ENOSF1: variants seen among roughly 807,000 people sequenced by gnomAD.
The protein encoded by ENOSF1 is enolase superfamily member 1.
Under a neutral mutation model 68.2 loss-of-function variants are expected in ENOSF1, and 73 were observed. The observed-to-expected ratio is 1.07, with a 90% CI of 0.89 to 1.30. ENOSF1 has a LOEUF of 1.30. ENOSF1 is among the 50% of genes most tolerant of loss of function. The probability of loss-of-function intolerance (pLI) is 0.00; values close to 1 mark genes in which losing one functional copy is unlikely to be tolerated. For synonymous variants in ENOSF1, 223 were observed against 210.4 expected (o/e 1.06, Z -0.52); for missense variants, 589 against 554.5 (o/e 1.06, Z -0.62).
chr18:670,883 A>G lies in ENOSF1; in HGVS notation c.*3422T>C. The G allele has an allele frequency of 6.2e-7, 1 of 1,613,242 alleles. No homozygotes were observed. Among genetic ancestry groups the G allele is most frequent in the Non-Finnish European group, 8.5e-7 (1 of 1,179,472 alleles). On this transcript the variant is annotated 3_prime_UTR_variant, in exon 16 of 16. Transcript: ENST00000647584. ...GGGCCTGAAGGTGGGCTGTCTCGGG[A>G]AGGGTGACTTGCCAGCCTACCACAC...
At chr18:694,642 AG>A (rs2077534229) in intron 3 of ENOSF1, among the ~76,000 whole-genome samples, 1 of 148,494 alleles carries the variant, frequency 6.7e-6, no homozygotes, top group African/African-American at 2.6e-5. Context: ...AAAAAAAAAA[AG>A]AGAGAGAGAG....
In ENOSF1 at chr18:670,459, G is replaced by C. The variant is rs1439222460; in HGVS notation, c.*3846C>G. 3.8e-6 allele frequency: 2 copies of C among 529,392 alleles called. No individual in the cohort carries two copies. Among genetic ancestry groups the C allele is most frequent in the South Asian group, 2.5e-5 (1 of 39,594 alleles). The allele number at this position is 529,392 out of a possible 1,614,324, so 32.8% of individuals were successfully genotyped here. ...AGATCCCTTCAGCTCTGATGGAAGA[G>C]CATTGCTTCAGCCGTAAATGGACAC... On this transcript the variant is annotated 3_prime_UTR_variant, in exon 16 of 16. Transcript: ENST00000647584.
At chr18:667,090 G>C (rs1296436917), downstream of ENOSF1, among the ~76,000 whole-genome samples, 1 of 61,368 alleles carries the variant, frequency 1.6e-5, no homozygotes, top group Non-Finnish European at 3.0e-5. Context: ...TGGTGATGGT[G>C]ATGGAGATGG....
intron 15 of ENOSF1, 23 bp downstream of exon 15, chr18:675,298 G>A (rs1318333731): frequency 6.3e-7 from 1 of 1,592,544 alleles, no homozygotes; most frequent in Admixed American, 1.7e-5. Context: ...CTCTTCTACA[G>A]GGGCCCTCAG....
intron 2 of ENOSF1, among the ~76,000 whole-genome samples, chr18:703,290 T>A (rs2078570450): frequency 6.6e-6 from 1 of 152,082 alleles, no homozygotes; most frequent in South Asian, 2.1e-4. Flanking sequence ...CAGAAGGGCT[T>A]CTTATCTATC....
chr18:689,317 G>A (rs1323728925), intron 8 of ENOSF1, among the ~76,000 whole-genome samples: 1 of 152,154 alleles, frequency 6.6e-6, no homozygotes, highest in Non-Finnish European at 1.5e-5. Context: ...CTCTTGTTCT[G>A]TCACCCAGGT....
chr18:685,980 G>C lies in ENOSF1; in HGVS notation c.682C>G (p.Gln228Glu). ...RFKVKVGADL[Q>E]DDMRRCQIIR... is the part of the protein sequence containing the mutation. ...ATTTGGCATCTTCGCATGTCATCCT[G>C]GAGATCAGCACCCACCTTTACTTTA... Residue 228 changes from glutamine to glutamate, a missense_variant, in exon 10 of 16, where the codon CAG becomes GAG. By Grantham distance (29) the Gln-to-Glu change is conservative (BLOSUM62 2). Transcript: ENST00000647584. 1.2e-6 allele frequency: 2 copies of C among 1,614,056 alleles called. No individual in the cohort carries two copies. The highest frequency in any genetic ancestry group is 1.7e-6 in the Non-Finnish European group (2 of 1,179,970).
At chr18:667,992 A>ATTTTT (rs60409589), downstream of ENOSF1, among the ~76,000 whole-genome samples, 25 of 105,366 alleles carry the variant, frequency 2.4e-4, 1 homozygote, top group South Asian at 1.0e-3. Context: ...ATTCACAGGA[A>ATTTTT]TTTTTTTTTT....
chr18:664,569 TGA>T, the ENOSF1 span, among the ~76,000 whole-genome samples: 3 of 134,436 alleles, frequency 2.2e-5, no homozygotes, highest in Admixed American at 2.2e-4. Context: ...ATAGGAGTGG[TGA>T]GAGAGGGCAT....
intron 5 of ENOSF1, chr18:693,250 T>C: frequency 7.8e-7 from 1 of 1,288,960 alleles, no homozygotes; most frequent in South Asian, 1.2e-5. Flanking sequence ...GCTCCTTCCC[T>C]GCTGGAATTG....
intron 1 of ENOSF1, among the ~76,000 whole-genome samples, chr18:709,067 G>A (rs2079234566): frequency 6.6e-6 from 1 of 152,208 alleles, no homozygotes; most frequent in East Asian, 1.9e-4. Flanking sequence ...GGTCAGGAGG[G>A]AGGGGCGGCA....
At chr18:700,917 A>C (rs1220614892) in intron 2 of ENOSF1, among the ~76,000 whole-genome samples, 8 of 131,124 alleles carry the variant, frequency 6.1e-5, no homozygotes, top group Non-Finnish European at 3.3e-5. Flanking sequence ...AAAAAAAACA[A>C]GAGAAATTTT....
chr18:689,802 C>T (rs1282105498), intron 8 of ENOSF1, among the ~76,000 whole-genome samples: 2 of 152,180 alleles, frequency 1.3e-5, no homozygotes, highest in East Asian at 1.9e-4. Flanking sequence ...CTGAGGTCCC[C>T]TACGTAGCTT....
At chr18:701,976 G>A (rs1196279914) in intron 2 of ENOSF1, among the ~76,000 whole-genome samples, 18 of 144,224 alleles carry the variant, frequency 1.2e-4, no homozygotes, top group South Asian at 2.2e-4. Flanking sequence ...ACAGAAACAG[G>A]CCAGGCATGG....
chr18:697,518 C>T (rs1416915892), intron 2 of ENOSF1, among the ~76,000 whole-genome samples, 163 bp from the exon 3 acceptor site: 2 of 152,156 alleles, frequency 1.3e-5, no homozygotes, highest in Non-Finnish European at 2.9e-5. Flanking sequence ...TGGGAGGCCA[C>T]GGCAGGAGGA....
intron 2 of ENOSF1, among the ~76,000 whole-genome samples, chr18:703,736 CT>C (rs1234765847): frequency 3.3e-5 from 5 of 152,136 alleles, no homozygotes; most frequent in Non-Finnish European, 5.9e-5. Context: ...AAGTTACCCC[CT>C]GAGATGGTTT....
intron 3 of ENOSF1, among the ~76,000 whole-genome samples, chr18:696,506 C>T (rs750055169): frequency 7.9e-5 from 12 of 151,984 alleles, no homozygotes; most frequent in Non-Finnish European, 1.2e-4. Context: ...CCACCGCGCC[C>T]GGCCTGACCT....
chr18:706,683 C>T, intron 1 of ENOSF1, 105 bp from the exon 2 acceptor site: 2 of 782,650 alleles, frequency 2.6e-6, no homozygotes, highest in South Asian at 3.1e-5. Context: ...AGGGGCCGTG[C>T]CACAAGAGCT....
chr18:702,990 A>G (rs2078528736), intron 2 of ENOSF1, among the ~76,000 whole-genome samples: 1 of 152,166 alleles, frequency 6.6e-6, no homozygotes, highest in South Asian at 2.1e-4. Flanking sequence ...GGATGAGCTA[A>G]TGGAATTTTT....
Sources: allele counts gnomAD v4.1 joint callset (sites outside exome capture counted in the v4.1 genomes callset), GRCh38; gene constraint gnomAD v4.1.1; transcripts MANE v1.5; gene names NCBI Gene and HGNC (gene_info 2026-07-23, HGNC 2026-07-21).